Variants in PTPRD observed in about 807,000 individuals in gnomAD.
PTPRD encodes protein tyrosine phosphatase receptor type D, also known as receptor-type tyrosine-protein phosphatase delta.
Under a neutral mutation model 214.5 loss-of-function variants are expected in PTPRD, and 34 were observed. The ratio of observed to expected loss-of-function variants is 0.16; its 90% CI spans 0.12 to 0.21. The LOEUF (loss-of-function observed/expected upper bound fraction) is 0.21. Ranked by LOEUF, PTPRD falls within the 10% of genes least tolerant of loss-of-function variation. The pLI is 1.00. For missense variants in PTPRD, 2,545 were observed against 2,398.7 expected, an observed-to-expected ratio of 1.06 and a Z score of -1.27; for synonymous variants, 1,128 against 845.7, an observed-to-expected ratio of 1.33 and a Z score of -5.79.
At chr9:9,600,864 A>G (rs1161698435) in intron 7 of PTPRD, among the ~76,000 whole-genome samples, 1 of 152,088 alleles carries the variant, frequency 6.6e-6, no homozygotes, top group African/African-American at 2.4e-5. Context: ...GTCAACTAAT[A>G]ACACAAACTA....
intron 12 of PTPRD, among the ~76,000 whole-genome samples, chr9:8,725,448 G>A (rs7042240): frequency 6.6e-6 from 1 of 152,026 alleles, no homozygotes; most frequent in Non-Finnish European, 1.5e-5. Context: ...AGACATGAAT[G>A]AGCCAATCAG....
chr9:8,902,729 A>G (rs2098680253), intron 11 of PTPRD, among the ~76,000 whole-genome samples: 1 of 152,196 alleles, frequency 6.6e-6, no homozygotes, highest in South Asian at 2.1e-4. Context: ...ATAAGCTTGT[A>G]GGAAAAAAGA....
At position 8,341,829 on chromosome 9, in the gene PTPRD, A is replaced by C. The variant is rs1379942442; in HGVS notation, c.4811T>G (p.Phe1604Cys). 6.2e-7 allele frequency: 1 copy of C among 1,613,488 alleles called. No homozygotes were observed. The highest frequency in any genetic ancestry group is 2.2e-5 in the East Asian group (1 of 44,842). ...TGCTTCTAACAGTGCATCATGGATA[A>C]AGATGTATTGGTCTTCTGTTTGAAC... ...YMVQTEDQYI[F>C]IHDALLEAVT... The change falls in exon 40 of 46, where the codon TTT (phenylalanine) becomes TGT (cysteine). Residue 1604 changes from phenylalanine (F) to cysteine (C), a missense_variant. By Grantham distance (205) the Phe-to-Cys change is radical (BLOSUM62 -2). Transcript: ENST00000381196.
intron 11 of PTPRD, among the ~76,000 whole-genome samples, chr9:8,875,396 C>A (rs1198755378): frequency 1.3e-5 from 2 of 152,030 alleles, no homozygotes; most frequent in African/African-American, 2.4e-5. Flanking sequence ...GACATAGTGG[C>A]ACATTCCTGT....
intron 2 of PTPRD, among the ~76,000 whole-genome samples, chr9:10,523,328 G>C (rs1282912630): frequency 6.6e-6 from 1 of 151,714 alleles, no homozygotes; most frequent in Non-Finnish European, 1.5e-5. Context: ...GGATTCTCTA[G>C]AAGGCGTGTG....
intron 11 of PTPRD, among the ~76,000 whole-genome samples, chr9:8,859,118 T>G (rs2098037705): frequency 1.3e-5 from 2 of 152,208 alleles, no homozygotes; most frequent in South Asian, 4.1e-4. Context: ...GGGATGCTTG[T>G]AGGATCCGCT....
At chr9:10,435,985 G>T (rs139659794) in intron 2 of PTPRD, among the ~76,000 whole-genome samples, 1 of 151,716 alleles carries the variant, frequency 6.6e-6, no homozygotes. Context: ...ACACTGTACA[G>T]AGACAACGCA....
intron 6 of PTPRD, among the ~76,000 whole-genome samples, chr9:9,759,555 CTTTTTT>C (rs3050068): frequency 8.5e-6 from 1 of 117,850 alleles, no homozygotes; most frequent in Admixed American, 9.4e-5. Context: ...CAAGGTCTGT[CTTTTTT>C]TTTTTTTTTT....
At chr9:10,503,520 C>A (rs1049443663) in intron 2 of PTPRD, among the ~76,000 whole-genome samples, 1 of 151,866 alleles carries the variant, frequency 6.6e-6, no homozygotes, top group Non-Finnish European at 1.5e-5. Context: ...AAGAGAGGGG[C>A]AGGATATATA....
intron 11 of PTPRD, among the ~76,000 whole-genome samples, chr9:8,759,302 T>C (rs907541258): frequency 2.6e-5 from 4 of 152,184 alleles, no homozygotes. Flanking sequence ...TCTTCCTGCC[T>C]TGGCTTCCCA....
chr9:9,041,260 T>C (rs1023215750), intron 10 of PTPRD, among the ~76,000 whole-genome samples: 1 of 152,144 alleles, frequency 6.6e-6, no homozygotes, highest in African/African-American at 2.4e-5. Flanking sequence ...GGGTTTGTTA[T>C]GCAGGTAAAC....
At chr9:10,505,653 T>C (rs2045675646) in intron 2 of PTPRD, among the ~76,000 whole-genome samples, 1 of 151,444 alleles carries the variant, frequency 6.6e-6, no homozygotes, top group South Asian at 2.1e-4. Flanking sequence ...CACATCTTTC[T>C]CCACATCTTT....
chr9:10,361,434 A>C (rs2097388801), intron 2 of PTPRD, among the ~76,000 whole-genome samples: 1 of 152,164 alleles, frequency 6.6e-6, no homozygotes, highest in African/African-American at 2.4e-5. Context: ...ACAAGGGTAC[A>C]GGGGTAAGTT....
chr9:10,162,270 A>G (rs1203714392), intron 3 of PTPRD, among the ~76,000 whole-genome samples: 1 of 151,564 alleles, frequency 6.6e-6, no homozygotes, highest in Non-Finnish European at 1.5e-5. Flanking sequence ...ACCCTTTACA[A>G]AAAAAATAAA....
intron 3 of PTPRD, among the ~76,000 whole-genome samples, chr9:10,289,106 T>A (rs2095453137): frequency 6.6e-6 from 1 of 152,010 alleles, no homozygotes; most frequent in Non-Finnish European, 1.5e-5. Flanking sequence ...ATGAAAAGCC[T>A]TCCAGGATGG....
At chr9:9,933,794 C>A (rs1436713013) in intron 5 of PTPRD, among the ~76,000 whole-genome samples, 3 of 149,292 alleles carry the variant, frequency 2.0e-5, no homozygotes, top group Non-Finnish European at 2.9e-5. Context: ...AGCACCACAC[C>A]ACACCTATTC....
intron 8 of PTPRD, among the ~76,000 whole-genome samples, chr9:9,437,902 C>T (rs1165346867): frequency 6.6e-6 from 1 of 152,180 alleles, no homozygotes; most frequent in African/African-American, 2.4e-5. Context: ...TAGTGGGAGG[C>T]TAACTCAACA....
chr9:8,911,179 T>G (rs1186229716), intron 11 of PTPRD, among the ~76,000 whole-genome samples: 1 of 152,154 alleles, frequency 6.6e-6, no homozygotes, highest in Non-Finnish European at 1.5e-5. Flanking sequence ...AACAACAAAG[T>G]TGAAGGATTT....
At chr9:9,385,690 G>T (rs775737132) in intron 9 of PTPRD, among the ~76,000 whole-genome samples, 1 of 152,124 alleles carries the variant, frequency 6.6e-6, no homozygotes, top group Admixed American at 6.6e-5. Context: ...AGTATGCTGG[G>T]TAAGGGAACA....
Sources: gnomAD v4.1 joint callset for allele counts (sites outside exome capture counted in the v4.1 genomes callset) on GRCh38, gnomAD v4.1.1 for gene constraint, MANE v1.5 for transcripts, NCBI Gene and HGNC (gene_info 2026-07-23, HGNC 2026-07-21) for gene names.